The following DSCAM variants were observed in gnomAD, a reference collection of about 807,000 sequenced individuals.
DSCAM encodes the protein DS cell adhesion molecule, also known as cell adhesion molecule DSCAM.
In DSCAM, 47 loss-of-function variants were observed where a neutral mutation model predicts 217.7. The ratio of observed to expected loss-of-function variants is 0.22; its 90% CI spans 0.17 to 0.28. The LOEUF is 0.28. Ranked by LOEUF, DSCAM falls within the 10% of genes least tolerant of loss-of-function variation. DSCAM has a pLI of 1.00. For synonymous variants in DSCAM, 1,056 were observed against 1,015.3 expected, an observed-to-expected ratio of 1.04 and a Z score of -0.76; for missense variants, 2,080 against 2,618.3, an observed-to-expected ratio of 0.79 and a Z score of 4.49.
chr21:40,552,909 C>T (rs2076641881), intron 3 of DSCAM, among the ~76,000 whole-genome samples: 1 of 152,046 alleles, frequency 6.6e-6, no homozygotes, highest in South Asian at 2.1e-4. Flanking sequence ...TGAAGTATTA[C>T]AGCAATTGTA....
chr21:40,435,290 A>G (rs1178409061), intron 3 of DSCAM, among the ~76,000 whole-genome samples: 1 of 152,204 alleles, frequency 6.6e-6, no homozygotes, highest in Admixed American at 6.5e-5. Context: ...GATTTATTAA[A>G]TCCTTGCATT....
At chr21:40,793,167 A>T (rs1418213999) in intron 1 of DSCAM, among the ~76,000 whole-genome samples, 7 of 152,212 alleles carry the variant, frequency 4.6e-5, no homozygotes, top group Non-Finnish European at 1.0e-4. Context: ...GCCAGATAAA[A>T]TGTTATTGAA....
rs149973257 is a variant in DSCAM, at chr21:40,320,717, G to C, written c.1784-8358C>G. On this transcript the variant is annotated intron_variant, in intron 8 of 32. Coordinates refer to ENST00000400454, the MANE Select transcript of DSCAM (RefSeq NM_001389.5). Reference sequence around the variant, plus strand: ...AGAGAATGAGGAAGACGCAAAAGCGGAAATCCCTGATAAAACCATCAGATC... The same window carrying C: ...AGAGAATGAGGAAGACGCAAAAGCGCAAATCCCTGATAAAACCATCAGATC... 7.2e-3 allele frequency among the ~76,000 whole-genome samples: 1,093 copies of C among 152,292 alleles called. 13 individuals are homozygous for C. The highest frequency in any genetic ancestry group is 0.021 in the African/African-American group (886 of 41,574).
intron 11 of DSCAM, among the ~76,000 whole-genome samples, chr21:40,250,167 A>G (rs562569381): frequency 5.9e-5 from 9 of 152,296 alleles, no homozygotes; most frequent in South Asian, 2.1e-4. Context: ...AGAATGACCT[A>G]TGACGGTTTG....
chr21:40,382,411 T>G (rs1046568870), intron 3 of DSCAM, among the ~76,000 whole-genome samples: 1 of 152,218 alleles, frequency 6.6e-6, no homozygotes, highest in Non-Finnish European at 1.5e-5. Context: ...CTCAAACACA[T>G]GCTTTGAGAC....
intron 25 of DSCAM, among the ~76,000 whole-genome samples, chr21:40,079,924 C>T (rs2256641): frequency 0.043 from 6,513 of 152,100 alleles, 377 homozygotes; most frequent in East Asian, 0.28. Context: ...GATTTTCAAA[C>T]TGACATTCTT....
In DSCAM at chr21:40,308,115, C is replaced by T. The variant is rs541278427; in HGVS notation, c.2062+3966G>A. Among the ~76,000 whole-genome samples, 9 of 152,156 alleles carry T rather than the reference C, an allele frequency of 5.9e-5. No homozygotes were observed. The East Asian group carries it at 1.7e-3, about 29-fold the overall frequency. On this transcript the variant is annotated intron_variant, in intron 9 of 32. Coordinates refer to ENST00000400454, the MANE Select transcript of DSCAM (RefSeq NM_001389.5). ...ATAAAATAAAAAAACACAACAACAACAACAAAAAAGAAAAGTGTGATAAAA... is the reference window on the plus strand; with the variant it reads ...ATAAAATAAAAAAACACAACAACAATAACAAAAAAGAAAAGTGTGATAAAA...
In DSCAM at chr21:40,382,146, T is replaced by G. The variant is rs373337842; in HGVS notation, c.509-12901A>C. Among the ~76,000 whole-genome samples the G allele has an allele frequency of 3.9e-5, 6 of 152,338 alleles. No homozygotes were observed. In the East Asian group the frequency reaches 5.8e-4, roughly 15 times the overall value. On this transcript the variant is annotated intron_variant, in intron 3 of 32. Transcript: ENST00000400454. ...TCTTTTAGCATCAGCTGGTATACCTTGGATTCTTAAAGTTCTCTCTTTAAA... is the reference window on the plus strand; with the variant it reads ...TCTTTTAGCATCAGCTGGTATACCTGGGATTCTTAAAGTTCTCTCTTTAAA...
At chr21:40,391,994 G>A (rs1023716614) in intron 3 of DSCAM, among the ~76,000 whole-genome samples, 4 of 152,296 alleles carry the variant, frequency 2.6e-5, no homozygotes, top group African/African-American at 7.2e-5. Context: ...TGGGAACCAC[G>A]CCGGTGAAAT....
intron 3 of DSCAM, among the ~76,000 whole-genome samples, chr21:40,469,677 G>C (rs1203987029): frequency 6.6e-6 from 1 of 152,036 alleles, no homozygotes; most frequent in African/African-American, 2.4e-5. Context: ...CTAAATTTCT[G>C]AACCATCACA....
chr21:40,528,550 T>C (rs908852690), intron 3 of DSCAM, among the ~76,000 whole-genome samples: 3 of 152,254 alleles, frequency 2.0e-5, no homozygotes, highest in African/African-American at 7.2e-5. Context: ...GAATTTCTTC[T>C]ACTTCAATCG....
chr21:40,555,278 T>C, intron 3 of DSCAM, among the ~76,000 whole-genome samples: 1 of 152,178 alleles, frequency 6.6e-6, no homozygotes. Context: ...CACGTGATCT[T>C]GAGCATTTAA....
intron 3 of DSCAM, among the ~76,000 whole-genome samples, chr21:40,543,947 C>A (rs1462672290): frequency 6.6e-6 from 1 of 152,136 alleles, no homozygotes; most frequent in Non-Finnish European, 1.5e-5. Flanking sequence ...GGGAACACTT[C>A]TTTCACTGTT....
chr21:40,513,366 A>C (rs2076275503), intron 3 of DSCAM: 1 of 152,266 alleles, frequency 6.6e-6, no homozygotes, highest in East Asian at 1.9e-4. Context: ...TATATGTCTT[A>C]GTCTGTTTGG....
At chr21:40,705,797 A>G (rs1432617206) in intron 2 of DSCAM, among the ~76,000 whole-genome samples, 3 of 152,192 alleles carry the variant, frequency 2.0e-5, no homozygotes, top group African/African-American at 7.2e-5. Flanking sequence ...TATCAGCCTC[A>G]GGACACTGGT....
At chr21:40,023,665 T>A (rs1380936492) in intron 32 of DSCAM, among the ~76,000 whole-genome samples, 1 of 94,144 alleles carries the variant, frequency 1.1e-5, no homozygotes, top group African/African-American at 4.2e-5. Context: ...ATAAATGTCT[T>A]CTTTTGAGAA....
chr21:40,369,452 T>C (rs2074872342), intron 3 of DSCAM, among the ~76,000 whole-genome samples: 1 of 151,906 alleles, frequency 6.6e-6, no homozygotes, highest in African/African-American at 2.4e-5. Flanking sequence ...TTTAATTTTT[T>C]GACTAGCCTA....
intron 9 of DSCAM, among the ~76,000 whole-genome samples, chr21:40,299,487 T>C (rs1442082804): frequency 6.6e-6 from 1 of 152,090 alleles, no homozygotes; most frequent in African/African-American, 2.4e-5. Flanking sequence ...CTTAAGAATA[T>C]GCTTGGGTTG....
At chr21:40,282,414 C>T (rs936773855) in intron 10 of DSCAM, among the ~76,000 whole-genome samples, 2 of 151,118 alleles carry the variant, frequency 1.3e-5, no homozygotes, top group South Asian at 2.1e-4. Context: ...GGTGAAACCC[C>T]GTCTCTACTA....
Sources: allele counts gnomAD v4.1 joint callset (sites outside exome capture counted in the v4.1 genomes callset), GRCh38; gene constraint gnomAD v4.1.1; transcripts MANE v1.5; gene names NCBI Gene and HGNC (gene_info 2026-07-23, HGNC 2026-07-21).